Variants in KCNIP1 observed in about 807,000 individuals in gnomAD.
KCNIP1 encodes potassium voltage-gated channel interacting protein 1, also known as A-type potassium channel modulatory protein KCNIP1.
Under a neutral mutation model 33.0 loss-of-function variants are expected in KCNIP1, and 18 were observed. The observed-to-expected ratio is 0.55, with a 90% CI of 0.38 to 0.81. KCNIP1 has a LOEUF of 0.81. Ranked by LOEUF, KCNIP1 falls within the 30% of genes least tolerant of loss-of-function variation. The probability of loss-of-function intolerance (pLI) is 0.00; values close to 1 mark genes in which losing one functional copy is unlikely to be tolerated. For synonymous variants in KCNIP1, 93 were observed against 98.3 expected, an observed-to-expected ratio of 0.95 and a Z score of 0.32; for missense variants, 238 against 271.6, an observed-to-expected ratio of 0.88 and a Z score of 0.87.
At chr5:170,652,527 AAAAAGAAAAG>A (rs70979194) in intron 1 of KCNIP1, among the ~76,000 whole-genome samples, 10 of 113,766 alleles carry the variant, frequency 8.8e-5, no homozygotes, top group Admixed American at 4.0e-4. Flanking sequence ...GGAGAAAAGA[AAAAAGAAAAG>A]AAAAGAAAAG....
chr5:170,496,911 C>T (rs932222889), intron 1 of KCNIP1, among the ~76,000 whole-genome samples: 1 of 152,144 alleles, frequency 6.6e-6, no homozygotes, highest in African/African-American at 2.4e-5. Context: ...GATTTCTCCA[C>T]CATGACCTTT....
At chr5:170,513,475 A>G (rs528543857) in intron 1 of KCNIP1, among the ~76,000 whole-genome samples, 1 of 152,306 alleles carries the variant, frequency 6.6e-6, no homozygotes, top group East Asian at 1.9e-4. Flanking sequence ...ATGTACGCCC[A>G]TTAAGTTTTA....
At chr5:170,356,743 G>A (rs1222654477) in intron 1 of KCNIP1, among the ~76,000 whole-genome samples, 1 of 152,218 alleles carries the variant, frequency 6.6e-6, no homozygotes, top group African/African-American at 2.4e-5. Flanking sequence ...AATGGAGTAT[G>A]TGTGTTACCG....
intron 1 of KCNIP1, among the ~76,000 whole-genome samples, chr5:170,443,820 C>T (rs1053101458): frequency 1.3e-5 from 2 of 152,010 alleles, no homozygotes; most frequent in Non-Finnish European, 2.9e-5. Context: ...GGGCAGCAGG[C>T]GGGGGGTGCC....
At chr5:170,408,823 GAA>G (rs2113400810) in intron 1 of KCNIP1, among the ~76,000 whole-genome samples, 1 of 152,344 alleles carries the variant, frequency 6.6e-6, no homozygotes, top group South Asian at 2.1e-4. Context: ...GCAGCAGAGT[GAA>G]GGCTCAGTCA....
intron 1 of KCNIP1, among the ~76,000 whole-genome samples, chr5:170,589,290 C>T (rs773614174): frequency 6.6e-6 from 1 of 152,178 alleles, no homozygotes; most frequent in Non-Finnish European, 1.5e-5. Flanking sequence ...TGAGGCACCG[C>T]ACCCAGCCAG....
chr5:170,414,486 T>G (rs561972019), intron 1 of KCNIP1, among the ~76,000 whole-genome samples: 35 of 152,358 alleles, frequency 2.3e-4, no homozygotes, highest in Admixed American at 1.4e-3. Flanking sequence ...CCCAGCTGTT[T>G]CTGTCCCTCA....
chr5:170,526,719 CTTT>C (rs145988547), intron 1 of KCNIP1, among the ~76,000 whole-genome samples: 5 of 122,802 alleles, frequency 4.1e-5, no homozygotes, highest in African/African-American at 9.8e-5. Context: ...ATCTGATTAG[CTTT>C]TTTTTTTTTT....
chr5:170,385,697 G>A (rs374016334), intron 1 of KCNIP1, among the ~76,000 whole-genome samples: 1 of 151,968 alleles, frequency 6.6e-6, no homozygotes, highest in Non-Finnish European at 1.5e-5. Flanking sequence ...GAGAGGTAAA[G>A]TGACTTGCCC....
intron 1 of KCNIP1, among the ~76,000 whole-genome samples, chr5:170,581,480 C>T (rs1443441680): frequency 6.6e-6 from 1 of 152,184 alleles, no homozygotes; most frequent in East Asian, 1.9e-4. Flanking sequence ...TGCTGTTGTC[C>T]AGAAATATTC....
At chr5:170,655,777 G>A (rs150163184) in intron 1 of KCNIP1, among the ~76,000 whole-genome samples, 98 of 152,276 alleles carry the variant, frequency 6.4e-4, no homozygotes, top group African/African-American at 2.2e-3. Context: ...TCCCCCAACC[G>A]TAGCAAAGTT....
chr5:170,605,750 G>A (rs1269601108), intron 1 of KCNIP1, among the ~76,000 whole-genome samples: 5 of 150,582 alleles, frequency 3.3e-5, no homozygotes, highest in Non-Finnish European at 7.4e-5. Flanking sequence ...TGTAGCATGG[G>A]TCAGTACTTC....
At chr5:170,401,567 C>T (rs56192645) in intron 1 of KCNIP1, among the ~76,000 whole-genome samples, 22,461 of 151,962 alleles carry the variant, frequency 0.15, 1,745 homozygotes, top group Admixed American at 0.21. Context: ...AGTTCTAGAC[C>T]AGCCTGGGCA....
chr5:170,546,518 A>G (rs1038562470), intron 1 of KCNIP1, among the ~76,000 whole-genome samples: 5 of 152,186 alleles, frequency 3.3e-5, no homozygotes, highest in African/African-American at 1.2e-4. Context: ...TCCAGTAGAC[A>G]ACCTCTGCTT....
At chr5:170,628,824 T>C (rs538917363) in intron 1 of KCNIP1, among the ~76,000 whole-genome samples, 16 of 152,328 alleles carry the variant, frequency 1.1e-4, no homozygotes, top group African/African-American at 3.8e-4. Context: ...GGGTTCATGT[T>C]TGGAGTTTCT....
chr5:170,354,963 AC>A (rs1364400584), intron 1 of KCNIP1, among the ~76,000 whole-genome samples: 6 of 152,160 alleles, frequency 3.9e-5, no homozygotes, highest in African/African-American at 1.4e-4. Flanking sequence ...AGCCCACAAA[AC>A]TTTGATGGGA....
At chr5:170,509,113 C>T (rs780416548) in intron 1 of KCNIP1, among the ~76,000 whole-genome samples, 6 of 152,166 alleles carry the variant, frequency 3.9e-5, no homozygotes, top group East Asian at 1.9e-4. Context: ...AGCTTCCCAC[C>T]GGAATTTCAG....
chr5:170,434,683 G>T (rs565644934), intron 1 of KCNIP1, among the ~76,000 whole-genome samples: 1 of 152,256 alleles, frequency 6.6e-6, no homozygotes, highest in East Asian at 1.9e-4. Context: ...GGCCTGGTGC[G>T]CTGGCTCATG....
intron 1 of KCNIP1, among the ~76,000 whole-genome samples, chr5:170,637,580 C>CA (rs1229463836): frequency 3.3e-5 from 5 of 152,158 alleles, no homozygotes; most frequent in Non-Finnish European, 7.3e-5. Context: ...ACGTGGCACA[C>CA]ACACACCTGC....
Sources: gnomAD v4.1 joint callset for allele counts (sites outside exome capture counted in the v4.1 genomes callset) on GRCh38, gnomAD v4.1.1 for gene constraint, MANE v1.5 for transcripts, NCBI Gene and HGNC (gene_info 2026-07-23, HGNC 2026-07-21) for gene names.